The following MTA3 variants were observed in gnomAD, a reference collection of about 807,000 sequenced individuals.
MTA3 encodes the protein metastasis-associated protein MTA3.
MTA3 carries 34 observed loss-of-function variants against 83.5 expected under a neutral mutation model. That is an observed-to-expected ratio of 0.41 (90% confidence interval 0.31 to 0.54). The LOEUF (loss-of-function observed/expected upper bound fraction) is 0.54, where lower values mean the gene tolerates loss of function less well. Among genes scored for constraint, MTA3 ranks in the 20% least tolerant of loss-of-function variants. MTA3 has a pLI of 0.33. For synonymous variants in MTA3, 303 were observed against 252.7 expected (o/e 1.20, Z -1.89); for missense variants, 761 against 726.4 (o/e 1.05, Z -0.55).
At chr2:42,665,645 C>G (rs1214224647) in intron 8 of MTA3, among the ~76,000 whole-genome samples, 1 of 152,152 alleles carries the variant, frequency 6.6e-6, no homozygotes, top group Non-Finnish European at 1.5e-5. Context: ...AAGCCTTAGA[C>G]CTGCCAAAGT....
At chr2:42,739,902 T>G (rs1300581961) in intron 16 of MTA3, among the ~76,000 whole-genome samples, 5 of 152,240 alleles carry the variant, frequency 3.3e-5, no homozygotes, top group Admixed American at 6.5e-5. Flanking sequence ...TTGTAGCAAT[T>G]TAGCCACATC....
At chr2:42,507,663 T>G (rs1674696410) in intron 2 of MTA3, among the ~76,000 whole-genome samples, 1 of 150,706 alleles carries the variant, frequency 6.6e-6, no homozygotes, top group African/African-American at 2.4e-5. Context: ...GTGCCGTGGC[T>G]CACACCTGTA....
At chr2:42,543,820 A>T (rs189742570) in intron 2 of MTA3, among the ~76,000 whole-genome samples, 4 of 151,736 alleles carry the variant, frequency 2.6e-5, no homozygotes, top group Admixed American at 6.6e-5. Context: ...TGTATCTAAC[A>T]TATACATACA....
intron 2 of MTA3, among the ~76,000 whole-genome samples, chr2:42,520,305 C>T (rs1048284015): frequency 3.9e-5 from 6 of 152,118 alleles, no homozygotes; most frequent in Non-Finnish European, 8.8e-5. Flanking sequence ...AGGACCTCTC[C>T]ACCTGAACAT....
intron 2 of MTA3, among the ~76,000 whole-genome samples, chr2:42,573,520 G>A (rs968827147): frequency 1.3e-5 from 2 of 151,538 alleles, no homozygotes; most frequent in Non-Finnish European, 2.9e-5. Flanking sequence ...CTAATTTTTT[G>A]TTGTTGTTGC....
At chr2:42,640,481 A>G (rs1319665735) in intron 5 of MTA3, among the ~76,000 whole-genome samples, 1 of 152,186 alleles carries the variant, frequency 6.6e-6, no homozygotes, top group East Asian at 1.9e-4. Context: ...AGAATGGTAC[A>G]TGGATTTAGT....
chr2:42,690,856 T>TTTTATTTTA (rs1553385669), intron 9 of MTA3, among the ~76,000 whole-genome samples: 6 of 136,112 alleles, frequency 4.4e-5, no homozygotes, highest in Non-Finnish European at 4.7e-5. Context: ...TGTATTTTTA[T>TTTTATTTTA]TTTATTTATT....
chr2:42,753,304 A>G, intron 16 of MTA3, 70 bp from the exon 17 acceptor site: 1 of 1,548,194 alleles, frequency 6.5e-7, no homozygotes, highest in Non-Finnish European at 8.7e-7. Context: ...GGGTGAGTCC[A>G]TCCTCCCTTT....
At chr2:42,673,160 T>C (rs1473963957) in intron 8 of MTA3, among the ~76,000 whole-genome samples, 1 of 149,406 alleles carries the variant, frequency 6.7e-6, no homozygotes, top group Non-Finnish European at 1.5e-5. Flanking sequence ...GACCAGCATA[T>C]GAAAAACTTT....
At chr2:42,531,130 C>G (rs947060102) in intron 2 of MTA3, among the ~76,000 whole-genome samples, 2 of 152,138 alleles carry the variant, frequency 1.3e-5, no homozygotes, top group Non-Finnish European at 1.5e-5. Context: ...ATGCCCGGCC[C>G]CATGTGGCAG....
intron 2 of MTA3, among the ~76,000 whole-genome samples, chr2:42,511,403 A>G (rs1674890197): frequency 6.6e-6 from 1 of 151,858 alleles, no homozygotes; most frequent in African/African-American, 2.4e-5. Context: ...TCTGAGATAC[A>G]TGTTCTCACA....
chr2:42,560,118 G>A (rs1207646466), intron 2 of MTA3, among the ~76,000 whole-genome samples: 3 of 151,816 alleles, frequency 2.0e-5, no homozygotes, highest in Non-Finnish European at 4.4e-5. Flanking sequence ...CGCCTCCCAG[G>A]TGCAAGCGAT....
At chr2:42,745,575 G>T (rs908229641) in intron 16 of MTA3, among the ~76,000 whole-genome samples, 1 of 152,002 alleles carries the variant, frequency 6.6e-6, no homozygotes, top group Non-Finnish European at 1.5e-5. Flanking sequence ...ATGGGGGCAG[G>T]GGGTCTTGCT....
At chr2:42,711,821 A>C (rs2104516102) in intron 14 of MTA3, among the ~76,000 whole-genome samples, 1 of 58,876 alleles carries the variant, frequency 1.7e-5, no homozygotes, top group East Asian at 3.9e-4. Flanking sequence ...TGTGTTTTCC[A>C]GTAAGTTTTC....
chr2:42,536,018 G>T (rs147856570), intron 2 of MTA3, among the ~76,000 whole-genome samples: 5 of 151,450 alleles, frequency 3.3e-5, no homozygotes, highest in Non-Finnish European at 7.4e-5. Context: ...TACTCAGGAA[G>T]TTGAGGCAGG....
At chr2:42,537,966 C>T (rs1382581082) in intron 2 of MTA3, among the ~76,000 whole-genome samples, 1 of 152,190 alleles carries the variant, frequency 6.6e-6, no homozygotes, top group Non-Finnish European at 1.5e-5. Context: ...GGCACAGTGG[C>T]TCATGCCTGT....
intron 3 of MTA3, among the ~76,000 whole-genome samples, chr2:42,581,363 T>C (rs1396227021): frequency 1.2e-4 from 16 of 137,528 alleles, no homozygotes; most frequent in African/African-American, 4.6e-4. Context: ...CAAATTGCTT[T>C]TTTTTTTTTT....
intron 2 of MTA3, among the ~76,000 whole-genome samples, chr2:42,505,302 G>T (rs1674582415): frequency 6.6e-6 from 1 of 152,156 alleles, no homozygotes; most frequent in Non-Finnish European, 1.5e-5. Flanking sequence ...TGAAGCAGGA[G>T]AATCGCTTGA....
At chr2:42,628,420 G>T (rs1419084342) in intron 4 of MTA3, among the ~76,000 whole-genome samples, 1 of 151,980 alleles carries the variant, frequency 6.6e-6, no homozygotes, top group African/African-American at 2.4e-5. Flanking sequence ...TTTTAGTAGA[G>T]ATGGGGTTTT....
Sources: gnomAD v4.1 joint callset for allele counts (sites outside exome capture counted in the v4.1 genomes callset) on GRCh38, gnomAD v4.1.1 for gene constraint, MANE v1.5 for transcripts, NCBI Gene and HGNC (gene_info 2026-07-23, HGNC 2026-07-21) for gene names.